The following CNTNAP2 variants were observed in gnomAD, a reference collection of about 807,000 sequenced individuals.
CNTNAP2 encodes the protein contactin associated protein 2.
Under a neutral mutation model 155.2 loss-of-function variants are expected in CNTNAP2, and 98 were observed. The ratio of observed to expected loss-of-function variants is 0.63; its 90% confidence interval spans 0.54 to 0.75. CNTNAP2 has a LOEUF of 0.75. CNTNAP2 is among the 30% of genes least tolerant of loss of function. CNTNAP2 has a pLI of 0.00. For missense variants in CNTNAP2, 1,727 were observed against 1,688.1 expected, an observed-to-expected ratio of 1.02 and a Z score of -0.40; for synonymous variants, 651 against 631.2, an observed-to-expected ratio of 1.03 and a Z score of -0.47.
chr7:146,978,715 T>C (rs1239139289), intron 3 of CNTNAP2, among the ~76,000 whole-genome samples: 1 of 151,152 alleles, frequency 6.6e-6, no homozygotes, highest in Admixed American at 6.6e-5. Context: ...ATATATAATA[T>C]ATATATTTAA....
intron 13 of CNTNAP2, among the ~76,000 whole-genome samples, chr7:147,715,119 A>G (rs1157193095): frequency 1.3e-5 from 2 of 152,144 alleles, no homozygotes; most frequent in Non-Finnish European, 2.9e-5. Context: ...TGGACTATTA[A>G]TAAAACTGCT....
intron 13 of CNTNAP2, among the ~76,000 whole-genome samples, chr7:147,785,609 G>A (rs1364925779): frequency 6.6e-6 from 1 of 151,972 alleles, no homozygotes; most frequent in Admixed American, 6.6e-5. Context: ...TTTTGGAGCT[G>A]GAAAAAAGTG....
intron 1 of CNTNAP2, among the ~76,000 whole-genome samples, chr7:146,121,186 T>C (rs1797558452): frequency 7.7e-6 from 1 of 129,038 alleles, no homozygotes; most frequent in Non-Finnish European, 1.6e-5. Flanking sequence ...TGGAGTGCAG[T>C]GGCCCGATCT....
chr7:147,690,573 A>G (rs1796074138), intron 13 of CNTNAP2, among the ~76,000 whole-genome samples: 1 of 152,138 alleles, frequency 6.6e-6, no homozygotes, highest in African/African-American at 2.4e-5. Context: ...AATTACACAA[A>G]TAATTAATCT....
intron 2 of CNTNAP2, among the ~76,000 whole-genome samples, chr7:146,779,038 G>A (rs1367405681): frequency 6.6e-6 from 1 of 152,184 alleles, no homozygotes; most frequent in Non-Finnish European, 1.5e-5. Context: ...GAGAGCAGGT[G>A]CTGGGGAAGA....
intron 1 of CNTNAP2, among the ~76,000 whole-genome samples, chr7:146,654,569 T>C (rs955138573): frequency 6.6e-6 from 1 of 152,072 alleles, no homozygotes; most frequent in Non-Finnish European, 1.5e-5. Context: ...TATACAGAAA[T>C]AGTCAAAAAA....
At chr7:146,879,798 C>G (rs951966634) in intron 3 of CNTNAP2, among the ~76,000 whole-genome samples, 1 of 152,010 alleles carries the variant, frequency 6.6e-6, no homozygotes, top group Non-Finnish European at 1.5e-5. Flanking sequence ...TTGTATTAGT[C>G]TGTTTTCACA....
chr7:146,911,238 G>A (rs1299288347), intron 3 of CNTNAP2, among the ~76,000 whole-genome samples: 3 of 152,102 alleles, frequency 2.0e-5, no homozygotes, highest in Non-Finnish European at 4.4e-5. Flanking sequence ...CCTTGTGGAA[G>A]TCAGTGTGGT....
chr7:147,811,373 C>T (rs1798176044), intron 13 of CNTNAP2, among the ~76,000 whole-genome samples: 1 of 152,180 alleles, frequency 6.6e-6, no homozygotes, highest in African/African-American at 2.4e-5. Context: ...GCTAGGATTA[C>T]AGGCATGAGC....
chr7:147,734,124 C>T (rs887147201), intron 13 of CNTNAP2, among the ~76,000 whole-genome samples: 8 of 152,120 alleles, frequency 5.3e-5, no homozygotes, highest in African/African-American at 1.9e-4. Context: ...CCAGTTTTTG[C>T]CCATTCAGTA....
chr7:146,551,939 A>G (rs1345484771), intron 1 of CNTNAP2, among the ~76,000 whole-genome samples: 3 of 152,092 alleles, frequency 2.0e-5, no homozygotes, highest in African/African-American at 7.2e-5. Flanking sequence ...AATGTATGTG[A>G]TGAGTAAGAT....
intron 4 of CNTNAP2, among the ~76,000 whole-genome samples, chr7:147,089,973 G>A (rs552395008): frequency 6.6e-6 from 1 of 152,244 alleles, no homozygotes; most frequent in East Asian, 1.9e-4. Flanking sequence ...AGAGTAGACT[G>A]AATTATGTAT....
chr7:148,211,769 A>G (rs1474496742), intron 18 of CNTNAP2, among the ~76,000 whole-genome samples: 3 of 152,210 alleles, frequency 2.0e-5, no homozygotes, highest in Non-Finnish European at 4.4e-5. Flanking sequence ...GGCACTCTTC[A>G]GTAATCTTTT....
At chr7:146,445,878 T>C (rs994605154) in intron 1 of CNTNAP2, among the ~76,000 whole-genome samples, 3 of 152,136 alleles carry the variant, frequency 2.0e-5, no homozygotes, top group Admixed American at 2.0e-4. Flanking sequence ...TACTGTTTGT[T>C]TTAAATAGAA....
intron 13 of CNTNAP2, among the ~76,000 whole-genome samples, chr7:147,687,869 A>G (rs144334585): frequency 5.5e-4 from 84 of 152,236 alleles, no homozygotes; most frequent in African/African-American, 1.8e-3. Flanking sequence ...ATATTTACAT[A>G]AAATCTGTAC....
intron 15 of CNTNAP2, 97 bp downstream of exon 15, chr7:147,978,086 C>T (rs1447395992): frequency 9.4e-6 from 14 of 1,485,128 alleles, no homozygotes; most frequent in Non-Finnish European, 1.2e-5. Context: ...ACTTGCTCTC[C>T]TGTAGCTCCT....
chr7:147,430,082 C>T (rs925491377), intron 10 of CNTNAP2, among the ~76,000 whole-genome samples: 14 of 152,068 alleles, frequency 9.2e-5, no homozygotes, highest in African/African-American at 3.4e-4. Context: ...GATTGTTTGA[C>T]TTAGTTGTAT....
intron 11 of CNTNAP2, among the ~76,000 whole-genome samples, chr7:147,529,926 A>T (rs1799401344): frequency 6.6e-6 from 1 of 152,238 alleles, no homozygotes; most frequent in Non-Finnish European, 1.5e-5. Flanking sequence ...ATCTAATAAA[A>T]GTTTAACTAT....
intron 12 of CNTNAP2, among the ~76,000 whole-genome samples, chr7:147,572,195 G>GAAAC (rs71274267): frequency 6.6e-6 from 1 of 151,582 alleles, no homozygotes; most frequent in Admixed American, 6.6e-5. Flanking sequence ...CCTCATTCCA[G>GAAAC]AGCTTCTGCC....
Sources: allele counts gnomAD v4.1 joint callset (sites outside exome capture counted in the v4.1 genomes callset), GRCh38; gene constraint gnomAD v4.1.1; transcripts MANE v1.5; gene names NCBI Gene and HGNC (gene_info 2026-07-23, HGNC 2026-07-21).